GALNT18: variants seen among roughly 807,000 people sequenced by gnomAD.
GALNT18 encodes the protein GalNAc-transferase 18.
GALNT18 carries 44 observed loss-of-function variants against 69.5 expected under a neutral mutation model. That is an observed-to-expected ratio of 0.63 (90% confidence interval 0.50 to 0.81). The LOEUF is 0.81. GALNT18 is among the 40% of genes least tolerant of loss of function. The probability of loss-of-function intolerance (pLI) is 0.00; values close to 1 mark genes in which losing one functional copy is unlikely to be tolerated. For missense variants in GALNT18, 715 were observed against 810.0 expected, an observed-to-expected ratio of 0.88 and a Z score of 1.42; for synonymous variants, 364 against 318.2, an observed-to-expected ratio of 1.14 and a Z score of -1.53.
chr11:11,533,669 A>C (rs553278098), intron 1 of GALNT18, among the ~76,000 whole-genome samples: 80 of 152,344 alleles, frequency 5.3e-4, no homozygotes, highest in Admixed American at 9.1e-4. Context: ...CAAACGAAAC[A>C]GTGTATTCTG....
In GALNT18 at chr11:11,377,061, C is replaced by T. The variant is rs1240691772; in HGVS notation, c.977+121G>A. The T allele has an allele frequency of 1.2e-6, 1 of 827,010 alleles. No homozygotes were observed. The highest frequency in any genetic ancestry group is 1.7e-5 in the African/African-American group (1 of 59,026). 51.2% of individuals were successfully genotyped at this position (827,010 alleles called of 1,614,324 possible). A position where few individuals can be genotyped will look rare whatever the true frequency, so the allele number is the denominator to read the frequency against. ...AAGATCAGACTGCAGTTCCTTTCGA[C>T]CCTGCCCACCCCTGTCATCCCCACG... On this transcript the variant is annotated intron_variant, in intron 5 of 10. Coordinates refer to ENST00000227756, the MANE Select transcript of GALNT18 (RefSeq NM_198516.3). The surrounding 1 kb of genome is among the most constrained non-coding windows in gnomAD (Gnocchi z 4.6).
chr11:11,274,050 G>A lies in GALNT18; in HGVS notation c.1678-2760C>T, dbSNP rs146219645. Among the ~76,000 whole-genome samples, 436 of 152,246 alleles carry A rather than the reference G, an allele frequency of 2.9e-3. 5 individuals carry two copies. The highest frequency in any genetic ancestry group is 9.8e-3 in the African/African-American group (407 of 41,548). On this transcript the variant is annotated intron_variant, in intron 10 of 10. Coordinates refer to ENST00000227756, the MANE Select transcript of GALNT18 (RefSeq NM_198516.3). ...CACGGAGGACAAGCTGAAGCAGGGT[G>A]GGTTATCGCCTCACCTGGGAAGTGC...
chr11:11,608,556 T>C (rs1859809648), intron 1 of GALNT18, among the ~76,000 whole-genome samples: 1 of 152,084 alleles, frequency 6.6e-6, no homozygotes, highest in Non-Finnish European at 1.5e-5. Context: ...AGAGACAGGA[T>C]TTCATCATGT....
At position 11,591,744 on chromosome 11, in the gene GALNT18, T is replaced by C. The variant is rs1859366484; in HGVS notation, c.235+29615A>G. On this transcript the variant is annotated intron_variant, in intron 1 of 10. Coordinates refer to ENST00000227756, the MANE Select transcript of GALNT18 (RefSeq NM_198516.3). This position sits in a 1 kb window ranked among gnomAD's most constrained non-coding sequence, Gnocchi z 4.8. Reference sequence around the variant, plus strand: ...GATGGAAATACAATGAGCCCAGCCATACAGATGTGCTCCCATACCCTTTGA... The same window carrying C: ...GATGGAAATACAATGAGCCCAGCCACACAGATGTGCTCCCATACCCTTTGA... Among the ~76,000 whole-genome samples the C allele has an allele frequency of 1.3e-5, 2 of 152,246 alleles. No homozygotes were observed. The highest frequency in any genetic ancestry group is 4.8e-5 in the African/African-American group (2 of 41,468).
chr11:11,376,111 A>G (rs11607661), intron 5 of GALNT18, among the ~76,000 whole-genome samples: 9,978 of 152,230 alleles, frequency 0.066, 455 homozygotes, highest in Middle Eastern at 0.23. Flanking sequence ...GGCCAGGCGC[A>G]GTGGCTCATG....
At chr11:11,501,146 C>T (rs1346153451) in intron 1 of GALNT18, among the ~76,000 whole-genome samples, 1 of 152,214 alleles carries the variant, frequency 6.6e-6, no homozygotes, top group Non-Finnish European at 1.5e-5. Context: ...GACAGCAATC[C>T]CATATTCAGA....
Position 11,618,502 on chromosome 11 carries a change from C to T in GALNT18, c.235+2857G>A, listed in dbSNP as rs552248455. ...TCCAAGTGGGAAGGCTGCTGACTCC[C>T]TCACCCCTCAGCCATCCTCTGACAC... On this transcript the variant is annotated intron_variant, in intron 1 of 10. Transcript: ENST00000227756. The surrounding 1 kb of genome is among the most constrained non-coding windows in gnomAD (Gnocchi z 6.1). Among the ~76,000 whole-genome samples, 11 of 152,318 alleles carry T rather than the reference C, an allele frequency of 7.2e-5. No homozygotes were observed. The highest frequency in any genetic ancestry group is 2.2e-4 in the African/African-American group (9 of 41,562).
At position 11,309,540 on chromosome 11, in the gene GALNT18, A is replaced by C. The variant is rs73417670; in HGVS notation, c.1513-16347T>G. On this transcript the variant is annotated intron_variant, in intron 9 of 10. Transcript: ENST00000227756. The surrounding 1 kb of genome is among the most constrained non-coding windows in gnomAD (Gnocchi z 4.6). ...AAATTCCTTACTTTTTCTGCCTTTT[A>C]CACCCTGTAAACCCCACCTCTATAG... Among the ~76,000 whole-genome samples, 1,240 of 152,104 alleles carry C rather than the reference A, an allele frequency of 8.2e-3. 16 individuals are homozygous for C. Among genetic ancestry groups the C allele is most frequent in the African/African-American group, 0.028 (1,176 of 41,460 alleles).
At chr11:11,393,478 T>A (rs1046753234) in intron 3 of GALNT18, among the ~76,000 whole-genome samples, 1 of 152,276 alleles carries the variant, frequency 6.6e-6, no homozygotes, top group African/African-American at 2.4e-5. Flanking sequence ...GGCATGCCCT[T>A]GTCAGCTTTC....
At position 11,314,197 on chromosome 11, in the gene GALNT18, C is replaced by T. The variant is rs113682945; in HGVS notation, c.1512+12889G>A. On this transcript the variant is annotated intron_variant, in intron 9 of 10. Coordinates refer to ENST00000227756, the MANE Select transcript of GALNT18 (RefSeq NM_198516.3). The surrounding 1 kb of genome is among the most constrained non-coding windows in gnomAD (Gnocchi z 5.2). ...AACGGTGGGTGGAGGGCAAGAGACTCAGCCCCTCTCTGGTTAGTGAGTCTG... is the reference window on the plus strand; with the variant it reads ...AACGGTGGGTGGAGGGCAAGAGACTTAGCCCCTCTCTGGTTAGTGAGTCTG... Among the ~76,000 whole-genome samples, 1,220 of 152,246 alleles carry T rather than the reference C, an allele frequency of 8.0e-3. 18 individuals are homozygous for T. Among genetic ancestry groups the T allele is most frequent in the South Asian group, 0.053 (253 of 4,812 alleles).
At chr11:11,335,798 T>C (rs551501523) in intron 7 of GALNT18, among the ~76,000 whole-genome samples, 1 of 152,228 alleles carries the variant, frequency 6.6e-6, no homozygotes, top group East Asian at 1.9e-4. Context: ...ACTAAGGTGA[T>C]ACATCCACAA....
In GALNT18 at chr11:11,604,103, A is replaced by G. The variant is rs919802078; in HGVS notation, c.235+17256T>C. ...GCCCTCACCAAACACAGAATCCGCT[A>G]TGCCTTAATTTTGGACTTCCCAGCC... On this transcript the variant is annotated intron_variant, in intron 1 of 10. Coordinates refer to ENST00000227756, the MANE Select transcript of GALNT18 (RefSeq NM_198516.3). The surrounding 1 kb of genome is among the most constrained non-coding windows in gnomAD (Gnocchi z 5.6). 1.3e-5 allele frequency among the ~76,000 whole-genome samples: 2 copies of G among 152,196 alleles called. No homozygotes were observed. Among genetic ancestry groups the G allele is most frequent in the African/African-American group, 4.8e-5 (2 of 41,456 alleles).
chr11:11,443,395 A>G (rs765512087), intron 2 of GALNT18, among the ~76,000 whole-genome samples: 4 of 152,180 alleles, frequency 2.6e-5, no homozygotes, highest in Non-Finnish European at 5.9e-5. Flanking sequence ...ACTTACACAC[A>G]GTAAAATGCA....
chr11:11,585,869 C>A (rs377714079), intron 1 of GALNT18, among the ~76,000 whole-genome samples: 32 of 151,584 alleles, frequency 2.1e-4, no homozygotes, highest in African/African-American at 7.0e-4. Flanking sequence ...TGTGGCCCCC[C>A]ACCCACACAC....
chr11:11,419,840 C>A (rs968678821), intron 3 of GALNT18, among the ~76,000 whole-genome samples: 2 of 152,044 alleles, frequency 1.3e-5, no homozygotes, highest in Non-Finnish European at 2.9e-5. Context: ...TCAACCATAA[C>A]CTGGGCACAG....
rs976735625 is a variant in GALNT18, at chr11:11,619,294, C to T, written c.235+2065G>A. ...TGGAACAACACGTGTTTTAGGGACCCTGTCTCCTATTTTTTTAACCTATCT... is the reference window on the plus strand; with the variant it reads ...TGGAACAACACGTGTTTTAGGGACCTTGTCTCCTATTTTTTTAACCTATCT... On this transcript the variant is annotated intron_variant, in intron 1 of 10. Coordinates refer to ENST00000227756, the MANE Select transcript of GALNT18 (RefSeq NM_198516.3). The surrounding 1 kb of genome is among the most constrained non-coding windows in gnomAD (Gnocchi z 4.9). 7.2e-5 allele frequency among the ~76,000 whole-genome samples: 11 copies of T among 152,164 alleles called. No homozygotes were observed. The highest frequency in any genetic ancestry group is 6.5e-5 in the Admixed American group (1 of 15,282).
At chr11:11,391,238 T>C (rs115067105) in intron 3 of GALNT18, among the ~76,000 whole-genome samples, 18 of 152,374 alleles carry the variant, frequency 1.2e-4, no homozygotes, top group African/African-American at 4.3e-4. Flanking sequence ...CATCTATTTA[T>C]TTAACAACCC....
chr11:11,528,733 G>A (rs1857574932), intron 1 of GALNT18, among the ~76,000 whole-genome samples: 1 of 152,208 alleles, frequency 6.6e-6, no homozygotes, highest in South Asian at 2.1e-4. Flanking sequence ...ATACCAATGG[G>A]TAGAGAGAGA....
chr11:11,604,415 C>CCA lies in GALNT18; in HGVS notation c.235+16942_235+16943dup, dbSNP rs776973935. 2.0e-4 allele frequency among the ~76,000 whole-genome samples: 30 copies of CCA among 152,182 alleles called. No individual in the cohort carries two copies. Among genetic ancestry groups the CCA allele is most frequent in the Non-Finnish European group, 3.4e-4 (23 of 68,040 alleles). On this transcript the variant is annotated intron_variant, in intron 1 of 10. Coordinates refer to ENST00000227756, the MANE Select transcript of GALNT18 (RefSeq NM_198516.3). This position sits in a 1 kb window ranked among gnomAD's most constrained non-coding sequence, Gnocchi z 5.6. ...CTATTCAGGTAGCCCATTCCTGATCCCACACTGCTGGAGAGTGGGGAAGGA... is the reference window on the plus strand; with the variant it reads ...CTATTCAGGTAGCCCATTCCTGATCCCACACACTGCTGGAGAGTGGGGAAGGA...
Sources: gnomAD v4.1 joint callset for allele counts (sites outside exome capture counted in the v4.1 genomes callset) on GRCh38, gnomAD v4.1.1 for gene constraint, Gnocchi (gnomAD v3.1) non-coding constraint, MANE v1.5 for transcripts, NCBI Gene and HGNC (gene_info 2026-07-23, HGNC 2026-07-21) for gene names.